The following THAP8 variants were observed in gnomAD, a reference collection of about 807,000 sequenced individuals.
THAP8 encodes the protein THAP domain containing 8.
In THAP8, 24 loss-of-function variants were observed where a neutral mutation model predicts 25.0. That is an observed-to-expected ratio of 0.96 (90% CI 0.69 to 1.35). THAP8 has a LOEUF of 1.35. THAP8 is among the 40% of genes most tolerant of loss of function. The probability of loss-of-function intolerance (pLI) is 0.00; values close to 1 mark genes in which losing one functional copy is unlikely to be tolerated. For missense variants in THAP8, 399 were observed against 368.8 expected, an observed-to-expected ratio of 1.08 and a Z score of -0.67; for synonymous variants, 169 against 157.6, an observed-to-expected ratio of 1.07 and a Z score of -0.54.
chr19:36,052,910 T>A (rs912668589), intron 1 of THAP8, among the ~76,000 whole-genome samples: 1 of 152,208 alleles, frequency 6.6e-6, no homozygotes, highest in African/African-American at 2.4e-5. Context: ...ACTTTACATC[T>A]GCAGTATGTC....
intron 1 of THAP8, among the ~76,000 whole-genome samples, chr19:36,051,052 C>T (rs1970042984): frequency 6.6e-6 from 1 of 152,034 alleles, no homozygotes; most frequent in Non-Finnish European, 1.5e-5. Context: ...TGAATGAATA[C>T]ATCGAAAACG....
intron 1 of THAP8, among the ~76,000 whole-genome samples, chr19:36,047,008 G>T (rs1189648694): frequency 6.6e-6 from 1 of 152,318 alleles, no homozygotes; most frequent in Middle Eastern, 3.4e-3. Context: ...TCCTTAATTG[G>T]TCTTACTCTC....
intron 3 of THAP8, among the ~76,000 whole-genome samples, chr19:36,036,932 CT>C (rs1472249038): frequency 7.5e-6 from 1 of 132,608 alleles, no homozygotes; most frequent in African/African-American, 2.9e-5. Context: ...CAGAGCAAGA[CT>C]CCTTCTCAAA....
chr19:36,051,257 AG>A (rs1970048392), intron 1 of THAP8, among the ~76,000 whole-genome samples: 3 of 152,230 alleles, frequency 2.0e-5, no homozygotes, highest in African/African-American at 7.2e-5. Context: ...AACATGAAGT[AG>A]GCCAGTGTCA....
intron 1 of THAP8, among the ~76,000 whole-genome samples, chr19:36,050,724 G>A (rs1383577287): frequency 1.3e-5 from 2 of 152,210 alleles, no homozygotes; most frequent in Admixed American, 6.5e-5. Context: ...GTGTCCAGCA[G>A]GGGCTTACTT....
At position 36,035,432 on chromosome 19, in the gene THAP8, C is replaced by G. The variant is rs1969397433; in HGVS notation, c.*8G>C. 6.2e-7 allele frequency: 1 copy of G among 1,612,320 alleles called. No individual in the cohort carries two copies. Among genetic ancestry groups the G allele is most frequent in the Admixed American group, 1.7e-5 (1 of 59,876 alleles). ...TCTTTTGTCCCTCGACATTGTCTGT[C>G]TTGATCCTTATGCACTGGGGATCCG... On this transcript the variant is annotated 3_prime_UTR_variant, in exon 4 of 4. Transcript: ENST00000292894.
At chr19:36,054,693 G>A, upstream of THAP8, 1 of 586,672 alleles carries the variant, frequency 1.7e-6, no homozygotes, top group Non-Finnish European at 3.0e-6. Context: ...ATGTTTCAGC[G>A]AATAATGAAA....
chr19:36,045,530 A>G (rs1022920196), intron 1 of THAP8, among the ~76,000 whole-genome samples: 1 of 152,114 alleles, frequency 6.6e-6, no homozygotes, highest in East Asian at 1.9e-4. Context: ...CGGCCTCCCA[A>G]TGTGCTGAAA....
chr19:36,044,756 T>G (rs1182795317), intron 1 of THAP8, among the ~76,000 whole-genome samples: 4 of 152,264 alleles, frequency 2.6e-5, no homozygotes, highest in South Asian at 4.2e-4. Context: ...CCTCCCAAAG[T>G]GCTGCGATTA....
At chr19:36,035,955 A>T (rs147078637) in intron 3 of THAP8, among the ~76,000 whole-genome samples, 41 of 152,230 alleles carry the variant, frequency 2.7e-4, no homozygotes, top group Non-Finnish European at 5.3e-4. Context: ...GCGGACAGAG[A>T]TGATGGGCAG....
intron 3 of THAP8, among the ~76,000 whole-genome samples, chr19:36,037,378 A>G (rs961205607): frequency 1.3e-5 from 2 of 149,992 alleles, no homozygotes; most frequent in South Asian, 4.2e-4. Flanking sequence ...ACACACACAC[A>G]CACCCAGCAG....
At chr19:36,054,756 G>T (rs1218690900), upstream of THAP8, 5 of 624,708 alleles carry the variant, frequency 8.0e-6, no homozygotes, top group Non-Finnish European at 1.1e-5. Context: ...CCAGTACACT[G>T]GCTGTGGCCC....
intron 3 of THAP8, among the ~76,000 whole-genome samples, chr19:36,038,088 G>A (rs1022514155): frequency 6.6e-6 from 1 of 151,990 alleles, no homozygotes; most frequent in Non-Finnish European, 1.5e-5. Context: ...GGGATTACAG[G>A]TGCGCCACCA....
At chr19:36,048,661 A>C (rs1471807931) in intron 1 of THAP8, among the ~76,000 whole-genome samples, 1 of 151,732 alleles carries the variant, frequency 6.6e-6, no homozygotes, top group African/African-American at 2.4e-5. Flanking sequence ...CACCGCGCCC[A>C]GCCCAATGGG....
chr19:36,036,896 G>A (rs902089009), intron 3 of THAP8, among the ~76,000 whole-genome samples: 13 of 142,922 alleles, frequency 9.1e-5, no homozygotes, highest in South Asian at 4.4e-4. Context: ...AGCTGAGATC[G>A]CACCACTCCA....
At chr19:36,037,231 A>C (rs1969489007) in intron 3 of THAP8, among the ~76,000 whole-genome samples, 2 of 140,014 alleles carry the variant, frequency 1.4e-5, no homozygotes, top group Admixed American at 7.5e-5. Flanking sequence ...ACCCTTCCTC[A>C]ACTTCCTCCC....
chr19:36,040,541 G>A (rs914816087), intron 1 of THAP8, among the ~76,000 whole-genome samples: 11 of 152,154 alleles, frequency 7.2e-5, no homozygotes, highest in African/African-American at 2.7e-4. Context: ...TGGCCAGGCT[G>A]GTCTTGAACT....
chr19:36,054,640 G>A, upstream of THAP8: 1 of 551,794 alleles, frequency 1.8e-6, no homozygotes, highest in Non-Finnish European at 3.3e-6. Context: ...AAAAACCGAG[G>A]TGAGGCGGCC....
intron 1 of THAP8, among the ~76,000 whole-genome samples, chr19:36,051,398 C>T (rs1420707219): frequency 1.3e-5 from 2 of 151,944 alleles, no homozygotes; most frequent in South Asian, 2.1e-4. Context: ...GTGGGAGTCA[C>T]GGAAGGGATC....
Sources: gnomAD v4.1 joint callset for allele counts (sites outside exome capture counted in the v4.1 genomes callset) on GRCh38, gnomAD v4.1.1 for gene constraint, MANE v1.5 for transcripts, NCBI Gene and HGNC (gene_info 2026-07-23, HGNC 2026-07-21) for gene names.